Variants in AGAP1 observed in about 807,000 individuals in gnomAD.
The protein encoded by AGAP1 is ArfGAP with GTPase domain, ankyrin repeat and PH domain 1.
Under a neutral mutation model 105.3 loss-of-function variants are expected in AGAP1, and 29 were observed. That is an observed-to-expected ratio of 0.28 (90% CI 0.21 to 0.38). The LOEUF is 0.38. AGAP1 is among the 10% of genes least tolerant of loss of function. The probability of loss-of-function intolerance (pLI) is 1.00; values close to 1 mark genes in which losing one functional copy is unlikely to be tolerated. For synonymous variants in AGAP1, 509 were observed against 485.9 expected (o/e 1.05, Z -0.63); for missense variants, 998 against 1,165.1 (o/e 0.86, Z 2.09).
chr2:235,814,502 A>G (rs1399346772), intron 9 of AGAP1, among the ~76,000 whole-genome samples: 2 of 152,178 alleles, frequency 1.3e-5, no homozygotes, highest in African/African-American at 2.4e-5. Flanking sequence ...ACTAGTAACA[A>G]TTGTTCACTG....
intron 10 of AGAP1, among the ~76,000 whole-genome samples, chr2:235,902,354 C>T (rs1209201413): frequency 6.6e-6 from 1 of 151,896 alleles, no homozygotes; most frequent in Non-Finnish European, 1.5e-5. Context: ...ATTTTTTTTC[C>T]TCCTCTACTA....
rs1559298730 is a variant in AGAP1, at chr2:236,123,760, G to T, written c.2371-159G>T. 6.6e-6 allele frequency among the ~76,000 whole-genome samples: 1 copy of T among 152,158 alleles called. No homozygotes were observed. The highest frequency in any genetic ancestry group is 1.5e-5 in the Non-Finnish European group (1 of 68,022). Reference sequence around the variant, plus strand: ...AATCCGCTGGCCACGGGTGCAGGCTGTGCCACCAGCACTGGATGGTCCTGG... The same window carrying T: ...AATCCGCTGGCCACGGGTGCAGGCTTTGCCACCAGCACTGGATGGTCCTGG... On this transcript the variant is annotated intron_variant, in intron 17 of 17. Transcript: ENST00000304032. This position sits in a 1 kb window ranked among gnomAD's most constrained non-coding sequence, Gnocchi z 4.6.
intron 1 of AGAP1, among the ~76,000 whole-genome samples, chr2:235,698,861 T>C (rs1289951274): frequency 1.3e-5 from 2 of 152,252 alleles, no homozygotes; most frequent in Non-Finnish European, 2.9e-5. Flanking sequence ...CCACTTTAGA[T>C]AGAAGCTCAG....
intron 6 of AGAP1, among the ~76,000 whole-genome samples, chr2:235,778,316 A>G (rs1332337706): frequency 6.6e-5 from 10 of 152,130 alleles, no homozygotes. Context: ...GTATCCACCC[A>G]TTTCCCCCAG....
chr2:235,593,170 T>C (rs567395785), intron 1 of AGAP1, among the ~76,000 whole-genome samples: 2 of 152,298 alleles, frequency 1.3e-5, no homozygotes, highest in Admixed American at 6.5e-5. Flanking sequence ...GAATCACCTG[T>C]GGCTCTCAAG....
chr2:236,104,418 C>T lies in AGAP1; in HGVS notation c.2115-15774C>T, dbSNP rs967956353. 6.6e-6 allele frequency among the ~76,000 whole-genome samples: 1 copy of T among 152,262 alleles called. No individual in the cohort carries two copies. The highest frequency in any genetic ancestry group is 2.4e-5 in the African/African-American group (1 of 41,476). ...TCCTGCAGCCTCATCAAATGACTCC[C>T]CAACAGGGGTGGATCCTGCCCCTCG... On this transcript the variant is annotated intron_variant, in intron 16 of 17. Coordinates refer to ENST00000304032, the MANE Select transcript of AGAP1 (RefSeq NM_001037131.3). The surrounding 1 kb of genome is among the most constrained non-coding windows in gnomAD (Gnocchi z 4.7).
At chr2:235,617,926 G>C (rs1396967909) in intron 1 of AGAP1, among the ~76,000 whole-genome samples, 1 of 152,068 alleles carries the variant, frequency 6.6e-6, no homozygotes, top group Non-Finnish European at 1.5e-5. Flanking sequence ...GGCAGTTGGG[G>C]GACCTGAGTC....
rs959985430 is a variant in AGAP1, at chr2:236,040,656, C to T, written c.1801-95C>T. On this transcript the variant is annotated intron_variant, in intron 14 of 17. Transcript: ENST00000304032. This position sits in a 1 kb window ranked among gnomAD's most constrained non-coding sequence, Gnocchi z 5.6. ...AGAAATTACCCTCGTCCTACATTTG[C>T]TCCCAATCTGTTTGATCTTTCCCTG... 4.6e-5 allele frequency: 52 copies of T among 1,121,304 alleles called. No individual in the cohort carries two copies. The highest frequency in any genetic ancestry group is 6.6e-5 in the Non-Finnish European group (51 of 772,118). 69.5% of individuals were successfully genotyped at this position (1,121,304 alleles called of 1,614,324 possible). A position where few individuals can be genotyped will look rare whatever the true frequency, so the allele number is the denominator to read the frequency against.
intron 1 of AGAP1, among the ~76,000 whole-genome samples, chr2:235,572,834 A>G (rs1368215712): frequency 1.3e-5 from 2 of 152,142 alleles, no homozygotes. Context: ...GTGAGGCTAC[A>G]CATGTGAACA....
chr2:235,924,842 T>A (rs2052367618), intron 11 of AGAP1, among the ~76,000 whole-genome samples: 1 of 152,198 alleles, frequency 6.6e-6, no homozygotes, highest in Non-Finnish European at 1.5e-5. Context: ...ACAGATGTGC[T>A]CCCTCTTAAA....
intron 1 of AGAP1, among the ~76,000 whole-genome samples, chr2:235,679,127 T>A (rs1397958585): frequency 6.6e-6 from 1 of 152,226 alleles, no homozygotes; most frequent in African/African-American, 2.4e-5. Context: ...GCACAGTGTC[T>A]TGATTTGGTG....
intron 9 of AGAP1, among the ~76,000 whole-genome samples, chr2:235,876,482 C>T (rs948810780): frequency 3.9e-5 from 6 of 152,218 alleles, no homozygotes; most frequent in East Asian, 1.9e-4. Flanking sequence ...AGCCACCCTC[C>T]GTCTCCCGGA....
In AGAP1 at chr2:235,900,388, G is replaced by T. The variant is rs2051010926; in HGVS notation, c.1156-8350G>T. 6.6e-6 allele frequency among the ~76,000 whole-genome samples: 1 copy of T among 151,966 alleles called. No homozygotes were observed. Among genetic ancestry groups the T allele is most frequent in the South Asian group, 2.1e-4 (1 of 4,798 alleles). ...CTTACAGTTTAATGGAATTGTTGTT[G>T]TGTCTCGGTGGCAGCATTTCTCCCT... On this transcript the variant is annotated intron_variant, in intron 10 of 17. Transcript: ENST00000304032. The surrounding 1 kb of genome is among the most constrained non-coding windows in gnomAD (Gnocchi z 5.5).
At chr2:235,558,863 A>G (rs1944057218) in intron 1 of AGAP1, among the ~76,000 whole-genome samples, 1 of 152,160 alleles carries the variant, frequency 6.6e-6, no homozygotes, top group Admixed American at 6.5e-5. Context: ...CTGTGAAATC[A>G]TTACCATAGC....
At position 235,740,966 on chromosome 2, in the gene AGAP1, G is replaced by T; in HGVS notation, c.314G>T (p.Gly105Val). 6.2e-7 allele frequency: 1 copy of T among 1,614,228 alleles called. No individual in the cohort carries two copies. The highest frequency in any genetic ancestry group is 8.5e-7 in the Non-Finnish European group (1 of 1,180,034). Residue 105 changes from glycine (G) to valine (V), a missense_variant, in exon 4 of 18, where the codon GGC (glycine) becomes GTC (valine). Physicochemically the swap from Gly to Val is moderately radical, Grantham distance 109. Transcript: ENST00000304032. The surrounding 1 kb of genome is among the most constrained non-coding windows in gnomAD (Gnocchi z 5.7). Reference protein sequence around the residue: ...TYVQEESPEGGRFKKEIVVDG... With the variant: ...TYVQEESPEGVRFKKEIVVDG... Reference sequence around the variant, plus strand: ...AGATGTTTTGTGTGTGTGGCAGGTGGCAGGTTCAAGAAAGAGATTGTCGTT... The same window carrying T: ...AGATGTTTTGTGTGTGTGGCAGGTGTCAGGTTCAAGAAAGAGATTGTCGTT...
intron 5 of AGAP1, among the ~76,000 whole-genome samples, chr2:235,745,774 A>G (rs1952879921): frequency 6.6e-6 from 1 of 152,178 alleles, no homozygotes; most frequent in Admixed American, 6.5e-5. Context: ...GCCCAGGCAG[A>G]TGATTGGCTG....
At chr2:235,696,663 A>G (rs1210176515) in intron 1 of AGAP1, among the ~76,000 whole-genome samples, 5 of 152,134 alleles carry the variant, frequency 3.3e-5, no homozygotes, top group Admixed American at 3.3e-4. Context: ...CACAATCACA[A>G]AATTAGTAGT....
In AGAP1 at chr2:235,674,122, T is replaced by C. The variant is rs553334720; in HGVS notation, c.164-35057T>C. 1.1e-4 allele frequency among the ~76,000 whole-genome samples: 16 copies of C among 152,314 alleles called. No individual in the cohort carries two copies. The East Asian group carries it at 2.7e-3, about 26-fold the overall frequency. On this transcript the variant is annotated intron_variant, in intron 1 of 17. Transcript: ENST00000304032. ...ATTCTCTTGTACTGTCTGGTCCTTGTTGGAACTTGTCTATTTAGGCTCTTC... is the reference window on the plus strand; with the variant it reads ...ATTCTCTTGTACTGTCTGGTCCTTGCTGGAACTTGTCTATTTAGGCTCTTC...
chr2:236,059,037 A>G (rs1184349020), intron 16 of AGAP1, among the ~76,000 whole-genome samples: 1 of 152,128 alleles, frequency 6.6e-6, no homozygotes, highest in Non-Finnish European at 1.5e-5. Flanking sequence ...CTCTTAAAAA[A>G]TCAAAAAGGC....
Sources: gnomAD v4.1 joint callset for allele counts (sites outside exome capture counted in the v4.1 genomes callset) on GRCh38, gnomAD v4.1.1 for gene constraint, Gnocchi (gnomAD v3.1) non-coding constraint, MANE v1.5 for transcripts, NCBI Gene and HGNC (gene_info 2026-07-23, HGNC 2026-07-21) for gene names.